The following KMT5A variants were observed in gnomAD, a reference collection of about 807,000 sequenced individuals.
The protein encoded by KMT5A is N-lysine methyltransferase KMT5A.
A neutral mutation model predicts 40.6 loss-of-function variants in KMT5A; 6 were observed. That is an observed-to-expected ratio of 0.15 (90% CI 0.08 to 0.29). The LOEUF (loss-of-function observed/expected upper bound fraction) is 0.29. Among genes scored for constraint, KMT5A ranks in the 10% least tolerant of loss-of-function variants. The pLI is 1.00. For missense variants in KMT5A, 308 were observed against 459.1 expected (o/e 0.67, Z 3.01); for synonymous variants, 153 against 178.8 (o/e 0.86, Z 1.15).
Position 123,384,324 on chromosome 12 carries a change from G to A in KMT5A, c.10+116G>A. The A allele has an allele frequency of 1.4e-6, 2 of 1,436,042 alleles. No homozygotes were observed. Among genetic ancestry groups the A allele is most frequent in the African/African-American group, 1.4e-5 (1 of 71,314 alleles). The allele number at this position is 1,436,042 out of a possible 1,614,324, so 89.0% of individuals were successfully genotyped here. On this transcript the variant is annotated intron_variant, in intron 1 of 7. Transcript: ENST00000402868. The surrounding 1 kb of genome is among the most constrained non-coding windows in gnomAD (Gnocchi z 5.7). ...GTCCTCCTCGGGTGGCTCGGGGCAAGCTTGGGGACCCGCGTGGGGGGAGAG... is the reference window on the plus strand; with the variant it reads ...GTCCTCCTCGGGTGGCTCGGGGCAAACTTGGGGACCCGCGTGGGGGGAGAG...
Position 123,403,559 on chromosome 12 carries a change from T to C in KMT5A, c.598-14T>C, listed in dbSNP as rs199809474. ...GAGAAGATACTGATGCTGTTTTTCT[T>C]TCTCTCTGCCCAGTCTGAAGAAAGG... On this transcript the variant is annotated splice_polypyrimidine_tract_variant and intron_variant, in intron 5 of 7. Transcript: ENST00000402868. The C allele has an allele frequency of 3.3e-3, 5,311 of 1,614,112 alleles. 21 individuals carry two copies. The highest frequency in any genetic ancestry group is 4.1e-3 in the Non-Finnish European group (4,821 of 1,179,940).
intron 4 of KMT5A, among the ~76,000 whole-genome samples, chr12:123,395,970 C>A (rs547690724): frequency 2.6e-5 from 4 of 152,146 alleles, no homozygotes; most frequent in African/African-American, 4.8e-5. Context: ...TTCAGCCTCC[C>A]GAGTAGTTGG....
Position 123,390,630 on chromosome 12 carries a change from G to A in KMT5A, c.133G>A (p.Glu45Lys). ...TCAGAATATGCTTTTGTCTTTTTAG[G>A]AGAACGTATTTACCGGGCAGTCAAA... The part of the protein sequence containing the change: ...RGPGRPRTDG[E>K]NVFTGQSKIY... The change falls in exon 3 of 8, where the codon GAG (glutamate) becomes AAG (lysine). Residue 45 changes from glutamate (E) to lysine (K), a missense_variant and splice_region_variant. Glu to Lys is a moderately conservative substitution (Grantham distance 56). Around this residue, in one of 4 missense-constraint regions of KMT5A, gnomAD observed 92 missense variants for 78.3 expected, o/e 1.18. Transcript: ENST00000402868. 1 of 1,613,424 alleles carries A rather than the reference G, an allele frequency of 6.2e-7. No individual in the cohort carries two copies. The highest frequency in any genetic ancestry group is 1.1e-5 in the South Asian group (1 of 90,968).
At chr12:123,387,540 T>C (rs988946070) in intron 1 of KMT5A, among the ~76,000 whole-genome samples, 1 of 152,218 alleles carries the variant, frequency 6.6e-6, no homozygotes, top group Non-Finnish European at 1.5e-5. Context: ...CTCTGGGTAA[T>C]CTTTTGGATA....
At chr12:123,397,934 A>G (rs1877863179) in intron 5 of KMT5A, among the ~76,000 whole-genome samples, 2 of 150,982 alleles carry the variant, frequency 1.3e-5, no homozygotes, top group African/African-American at 2.4e-5. Context: ...CAGCCTCCCA[A>G]AGTGCTGGGA....
At chr12:123,390,561 C>A in intron 2 of KMT5A, 69 bp from the exon 3 acceptor site, 2 of 1,548,814 alleles carry the variant, frequency 1.3e-6, no homozygotes, top group Admixed American at 2.0e-5. Flanking sequence ...TTTTGTATTC[C>A]TCCTCCTCGT....
Position 123,396,326 on chromosome 12 carries a change from C to T in KMT5A, c.510-19C>T, listed in dbSNP as rs577816820. ...TTTCAGTCCTGATATTTATTTTCTC[C>T]TCTTCCCCTCTTACCCAGAGCTCAA... On this transcript the variant is annotated intron_variant, in intron 4 of 7. Transcript: ENST00000402868. 1 of 1,611,432 alleles carries T rather than the reference C, an allele frequency of 6.2e-7. No homozygotes were observed. The highest frequency in any genetic ancestry group is 8.5e-7 in the Non-Finnish European group (1 of 1,179,280).
At chr12:123,396,755 G>A (rs534868764) in intron 5 of KMT5A, among the ~76,000 whole-genome samples, 3 of 152,304 alleles carry the variant, frequency 2.0e-5, no homozygotes, top group African/African-American at 7.2e-5. Flanking sequence ...TTGGGAGCCT[G>A]GGACTGTGGG....
At chr12:123,390,537 G>T in intron 2 of KMT5A, 93 bp from the exon 3 acceptor site, 1 of 1,482,748 alleles carries the variant, frequency 6.7e-7, no homozygotes, top group South Asian at 1.3e-5. Context: ...AAACGGTGTT[G>T]TCTGATTTTC....
chr12:123,389,270 GC>G (rs1034139338), intron 1 of KMT5A, 162 bp from the exon 2 acceptor site: 9 of 241,986 alleles, frequency 3.7e-5, no homozygotes, highest in Non-Finnish European at 6.4e-6. Context: ...GCGGGCTCCG[GC>G]CCGGCCCTCC....
chr12:123,396,304 C>T (rs377203219), intron 4 of KMT5A, 41 bp from the exon 5 acceptor site: 17 of 1,599,232 alleles, frequency 1.1e-5, no homozygotes, highest in Non-Finnish European at 1.5e-5. Flanking sequence ...TCCAGGTTTT[C>T]AGTCCTGATA....
rs1566085619 is a variant in KMT5A, at chr12:123,408,578, T to TTTTGC, written c.*878_*879insGCTTT. 1 of 146,800 alleles carries TTTTGC rather than the reference T, an allele frequency of 6.8e-6. No homozygotes were observed. The highest frequency in any genetic ancestry group is 2.5e-5 in the African/African-American group (1 of 40,352). The allele number at this position is 146,800 out of a possible 1,614,324, so 9.1% of individuals were successfully genotyped here. On this transcript the variant is annotated 3_prime_UTR_variant, in exon 8 of 8. Transcript: ENST00000402868. ...AGTGAAGTGGCTGCTTTTTTTTTTTTTTTTTTTTGCTTTTTTTTGCTTTTT... is the reference window on the plus strand; with the variant it reads ...AGTGAAGTGGCTGCTTTTTTTTTTTTTTTGCTTTTTTTTGCTTTTTTTTGCTTTTT...
chr12:123,389,533 G>A lies in KMT5A; in HGVS notation c.111G>A (p.Pro37=). The change falls in exon 2 of 8, where the codon CCG becomes CCA. Residue 37 remains proline, a synonymous_variant. Transcript: ENST00000402868. ...PGPEMVERRG[P]GRPRTDGENV... ...CGGAGATGGTGGAGCGGAGGGGCCCGGGGAGGCCCCGCACCGACGGGGTAA... is the reference window on the plus strand; with the variant it reads ...CGGAGATGGTGGAGCGGAGGGGCCCAGGGAGGCCCCGCACCGACGGGGTAA... 1 of 1,107,650 alleles carries A rather than the reference G, an allele frequency of 9.0e-7. No individual in the cohort carries two copies. Among genetic ancestry groups the A allele is most frequent in the Non-Finnish European group, 1.1e-6 (1 of 912,276 alleles). 68.6% of individuals were successfully genotyped at this position (1,107,650 alleles called of 1,614,324 possible). A position where few individuals can be genotyped will look rare whatever the true frequency, so the allele number is the denominator to read the frequency against.
chr12:123,385,407 T>C (rs1876814399), intron 1 of KMT5A, among the ~76,000 whole-genome samples: 2 of 152,228 alleles, frequency 1.3e-5, no homozygotes, highest in Admixed American at 1.3e-4. Context: ...TCTGACTAAT[T>C]TATCTGACAA....
In KMT5A at chr12:123,408,326, G is replaced by A. The variant is rs1366214375; in HGVS notation, c.*623G>A. 6.6e-6 allele frequency: 1 copy of A among 152,540 alleles called. No homozygotes were observed. The highest frequency in any genetic ancestry group is 1.5e-5 in the Non-Finnish European group (1 of 68,016). 9.4% of individuals were successfully genotyped at this position (152,540 alleles called of 1,614,324 possible). On this transcript the variant is annotated 3_prime_UTR_variant, in exon 8 of 8. Coordinates refer to ENST00000402868, the MANE Select transcript of KMT5A (RefSeq NM_020382.7). ...TAGATTTCCTCTTCCACAAGCTGCC[G>A]CTTTTCTGGGCACCTTGAAGCATCA...
At chr12:123,388,365 G>A (rs1876994341) in intron 1 of KMT5A, 1 of 152,246 alleles carries the variant, frequency 6.6e-6, no homozygotes, top group African/African-American at 2.4e-5. Flanking sequence ...CAGGGCTGCT[G>A]TGAGGTTTCA....
At chr12:123,402,037 C>T (rs1049423730) in intron 5 of KMT5A, among the ~76,000 whole-genome samples, 1 of 152,182 alleles carries the variant, frequency 6.6e-6, no homozygotes, top group Non-Finnish European at 1.5e-5. Flanking sequence ...AGGTGTACGC[C>T]ACCACACCTA....
rs2139216428 is a variant in KMT5A at position 123,408,532 on chromosome 12, A to G, written c.*829A>G. The G allele has an allele frequency of 6.8e-6, 1 of 147,194 alleles. No individual in the cohort carries two copies. Among genetic ancestry groups the G allele is most frequent in the South Asian group, 2.2e-4 (1 of 4,616 alleles). The allele number at this position is 147,194 out of a possible 1,614,324, so 9.1% of individuals were successfully genotyped here. A position where few individuals can be genotyped will look rare whatever the true frequency, so the allele number is the denominator to read the frequency against. ...AAAAAACCACAGAAAACAACTTTAC[A>G]TGTATATAGGTCTTGAAGTGAGTGA... is the stretch of plus-strand genomic sequence containing the variant. On this transcript the variant is annotated 3_prime_UTR_variant, in exon 8 of 8. Coordinates refer to ENST00000402868, the MANE Select transcript of KMT5A (RefSeq NM_020382.7).
intron 6 of KMT5A, among the ~76,000 whole-genome samples, chr12:123,404,079 TC>T (rs1205190377): frequency 3.3e-5 from 5 of 152,186 alleles, no homozygotes; most frequent in African/African-American, 1.2e-4. Context: ...TCTGGGCACT[TC>T]ATATAAATCG....
Sources: allele counts gnomAD v4.1 joint callset (sites outside exome capture counted in the v4.1 genomes callset), GRCh38; gene constraint gnomAD v4.1.1; regional missense constraint gnomAD v4.1.1; non-coding constraint Gnocchi (gnomAD v3.1); transcripts MANE v1.5; gene names NCBI Gene and HGNC (gene_info 2026-07-23, HGNC 2026-07-21).